The following NFATC3 variants were observed in gnomAD, a reference collection of about 807,000 sequenced individuals.
The protein encoded by NFATC3 is nuclear factor of activated T-cells, cytoplasmic 3.
A neutral mutation model predicts 98.6 loss-of-function variants in NFATC3; 46 were observed. The ratio of observed to expected loss-of-function variants is 0.47; its 90% confidence interval spans 0.37 to 0.60. The LOEUF is 0.60. Ranked by LOEUF, NFATC3 falls within the 20% of genes least tolerant of loss-of-function variation. The probability of loss-of-function intolerance (pLI) is 0.00; values close to 1 mark genes in which losing one functional copy is unlikely to be tolerated. For synonymous variants in NFATC3, 512 were observed against 472.2 expected (o/e 1.08, Z -1.09); for missense variants, 1,256 against 1,295.5 (o/e 0.97, Z 0.47).
intron 1 of NFATC3, among the ~76,000 whole-genome samples, chr16:68,119,633 T>TA (rs2036467473): frequency 6.6e-6 from 1 of 152,230 alleles, no homozygotes; most frequent in Non-Finnish European, 1.5e-5. Context: ...ATAGCTCAGT[T>TA]ACATTAATAT....
intron 9 of NFATC3, chr16:68,225,436 A>G (rs1351818738): frequency 6.6e-6 from 1 of 152,236 alleles, no homozygotes; most frequent in Non-Finnish European, 1.5e-5. Flanking sequence ...TATTTCACTT[A>G]GCAGACTGTT....
At chr16:68,093,121 C>CT (rs2034818154) in intron 1 of NFATC3, among the ~76,000 whole-genome samples, 1 of 152,220 alleles carries the variant, frequency 6.6e-6, no homozygotes, top group Non-Finnish European at 1.5e-5. Context: ...TCAAGCTCAT[C>CT]ACCTTTATTC....
rs556804127 is a variant in NFATC3, at chr16:68,135,452, C to T, written c.1401+8842C>T. On this transcript the variant is annotated intron_variant, in intron 3 of 9. Coordinates refer to ENST00000346183, the MANE Select transcript of NFATC3 (RefSeq NM_173165.3). ...CAACCTGGGGGACACAGCGAGACTC[C>T]GTCTCAAAAAAAAAAAAAAAAAAAA... is the stretch of plus-strand genomic sequence containing the variant. Among the ~76,000 whole-genome samples the T allele has an allele frequency of 5.7e-4, 60 of 104,430 alleles. No individual in the cohort carries two copies. The East Asian group carries it at 8.9e-3, about 15-fold the overall frequency. 68.5% of individuals were successfully genotyped at this position (104,430 alleles called of 152,430 possible).
Position 68,138,407 on chromosome 16 carries a change from G to A in NFATC3, c.1401+11797G>A, listed in dbSNP as rs2037561272. ...AGCTCTCCTTCCTTGGATTAATCAT[G>A]GTAGCCTAACTACTGTAACTAATAA... On this transcript the variant is annotated intron_variant, in intron 3 of 9. Transcript: ENST00000346183. 2.0e-5 allele frequency: 16 copies of A among 802,550 alleles called. No homozygotes were observed. In the South Asian group the frequency reaches 2.3e-4, roughly 12 times the overall value. The allele number at this position is 802,550 out of a possible 1,614,324, so 49.7% of individuals were successfully genotyped here.
At chr16:68,207,544 G>GTC (rs1387424680) in intron 9 of NFATC3, among the ~76,000 whole-genome samples, 4 of 152,170 alleles carry the variant, frequency 2.6e-5, no homozygotes, top group Non-Finnish European at 5.9e-5. Context: ...GCTCACTGAA[G>GTC]TCTCTGCCTC....
intron 3 of NFATC3, among the ~76,000 whole-genome samples, 164 bp from the exon 4 acceptor site, chr16:68,157,705 A>T (rs8060893): frequency 0.12 from 17,769 of 152,226 alleles, 1,206 homozygotes; most frequent in South Asian, 0.19. Flanking sequence ...CTAATTTGGA[A>T]ATTTGGAGGG....
chr16:68,116,467 C>G (rs767721002), intron 1 of NFATC3, among the ~76,000 whole-genome samples: 1 of 152,048 alleles, frequency 6.6e-6, no homozygotes, highest in African/African-American at 2.4e-5. Flanking sequence ...ACAAGTAATT[C>G]TTGAGATGGT....
chr16:68,194,896 G>T (rs1297920281), intron 9 of NFATC3, among the ~76,000 whole-genome samples: 1 of 152,100 alleles, frequency 6.6e-6, no homozygotes, highest in Non-Finnish European at 1.5e-5. Context: ...GGAAAGGTGA[G>T]GTCTGTGAGG....
At chr16:68,201,565 CCGTTTGT>C (rs2040916893) in intron 9 of NFATC3, among the ~76,000 whole-genome samples, 1 of 151,474 alleles carries the variant, frequency 6.6e-6, no homozygotes, top group African/African-American at 2.4e-5. Flanking sequence ...GCCACTGTGC[CCGTTTGT>C]CAAGCTGTTT....
At chr16:68,200,789 CAT>C (rs1194488253) in intron 9 of NFATC3, 1 of 152,164 alleles carries the variant, frequency 6.6e-6, no homozygotes, top group Non-Finnish European at 1.5e-5. Flanking sequence ...GAATTTTACT[CAT>C]ATTTACAATT....
intron 9 of NFATC3, among the ~76,000 whole-genome samples, chr16:68,224,357 A>G (rs942017676): frequency 1.3e-5 from 2 of 148,544 alleles, no homozygotes; most frequent in Non-Finnish European, 3.0e-5. Context: ...GCTCACTGCA[A>G]CCTCCACCCG....
intron 9 of NFATC3, among the ~76,000 whole-genome samples, chr16:68,219,408 A>G (rs868020454): frequency 2.6e-5 from 4 of 152,020 alleles, no homozygotes; most frequent in Non-Finnish European, 4.4e-5. Context: ...AAATAAAAAA[A>G]TAAATTAGCT....
rs1397432426 is a variant in NFATC3, at chr16:68,182,645, T to G, written c.1972-595T>G. Among the ~76,000 whole-genome samples the G allele has an allele frequency of 2.0e-5, 3 of 152,008 alleles. No homozygotes were observed. In the East Asian group the frequency reaches 5.8e-4, roughly 29 times the overall value. On this transcript the variant is annotated intron_variant, in intron 7 of 9. Transcript: ENST00000346183. ...AAGCGATTCTCCTGCCTCAGACTCC[T>G]GAGTAGCTGGGACTACAGGCGTGCA...
chr16:68,217,594 G>T, intron 9 of NFATC3: 1 of 1,203,852 alleles, frequency 8.3e-7, no homozygotes, highest in Non-Finnish European at 1.0e-6. Context: ...AATAGTATTA[G>T]CTAAGTGAGT....
chr16:68,213,995 A>G (rs1249875729), intron 9 of NFATC3, among the ~76,000 whole-genome samples: 1 of 152,208 alleles, frequency 6.6e-6, no homozygotes, highest in Non-Finnish European at 1.5e-5. Context: ...GCCTTAGCCA[A>G]GTATTTGGGA....
At chr16:68,208,138 C>G (rs374580079) in intron 9 of NFATC3, among the ~76,000 whole-genome samples, 2 of 151,872 alleles carry the variant, frequency 1.3e-5, no homozygotes, top group Non-Finnish European at 2.9e-5. Flanking sequence ...CAAGTTCAAG[C>G]GATTCTCCTG....
intron 8 of NFATC3, among the ~76,000 whole-genome samples, chr16:68,185,331 A>T (rs1022322681): frequency 1.3e-4 from 20 of 152,076 alleles, no homozygotes; most frequent in African/African-American, 3.9e-4. Flanking sequence ...CCTTGGTAAC[A>T]AGTTGACCTG....
chr16:68,167,795 T>C (rs1160761610), intron 5 of NFATC3, among the ~76,000 whole-genome samples: 1 of 146,992 alleles, frequency 6.8e-6, no homozygotes, highest in Non-Finnish European at 1.5e-5. Context: ...TTTATATCTG[T>C]TAACCGTATG....
At position 68,184,232 on chromosome 16, in the gene NFATC3, A is replaced by G. The variant is rs1278395592; in HGVS notation, c.2098+866A>G. Among the ~76,000 whole-genome samples, 3 of 152,154 alleles carry G rather than the reference A, an allele frequency of 2.0e-5. No homozygotes were observed. The South Asian group carries it at 6.2e-4, about 32-fold the overall frequency. On this transcript the variant is annotated intron_variant, in intron 8 of 9. Coordinates refer to ENST00000346183, the MANE Select transcript of NFATC3 (RefSeq NM_173165.3). ...TGAATATACAGACAGAACATCAGTG[A>G]TGATAAAGAATATCAGGTTTTGGGG...
Sources: allele counts gnomAD v4.1 joint callset (sites outside exome capture counted in the v4.1 genomes callset), GRCh38; gene constraint gnomAD v4.1.1; transcripts MANE v1.5; gene names NCBI Gene and HGNC (gene_info 2026-07-23, HGNC 2026-07-21).